The following RAP1GAP2 variants were observed in gnomAD, a reference collection of about 807,000 sequenced individuals.
RAP1GAP2 encodes RAP1 GTPase activating protein 2, also known as rap1 GTPase-activating protein 2.
Under a neutral mutation model 95.0 loss-of-function variants are expected in RAP1GAP2, and 27 were observed. The observed-to-expected ratio is 0.28, with a 90% CI of 0.21 to 0.39. The LOEUF (loss-of-function observed/expected upper bound fraction) is 0.39. RAP1GAP2 is among the 10% of genes least tolerant of loss of function. The pLI, the probability that RAP1GAP2 is intolerant of heterozygous loss-of-function variation, is 1.00. For synonymous variants in RAP1GAP2, 373 were observed against 380.9 expected, an observed-to-expected ratio of 0.98 and a Z score of 0.24; for missense variants, 771 against 970.0, an observed-to-expected ratio of 0.79 and a Z score of 2.72.
rs558026242 is a variant in RAP1GAP2 at position 2,916,752 on chromosome 17, T to C, written c.165+11384T>C. ...TGATGGACTGTGACGATGGCGATGG[T>C]GGCGATGACAACCATGATGAGTGAG... On this transcript the variant is annotated intron_variant, in intron 3 of 24. Transcript: ENST00000254695. 3.9e-5 allele frequency among the ~76,000 whole-genome samples: 6 copies of C among 152,282 alleles called. No homozygotes were observed. In the South Asian group the frequency reaches 1.2e-3, roughly 32 times the overall value.
intron 4 of RAP1GAP2, chr17:2,962,319 C>A: frequency 3.3e-6 from 1 of 302,044 alleles, no homozygotes; most frequent in Non-Finnish European, 6.2e-6. Flanking sequence ...AACCTTTAAC[C>A]TTCACCACCA....
intron 2 of RAP1GAP2, among the ~76,000 whole-genome samples, chr17:2,873,766 A>G (rs1025362635): frequency 1.3e-5 from 2 of 151,864 alleles, no homozygotes; most frequent in African/African-American, 4.8e-5. Flanking sequence ...TTATTTATTT[A>G]TTTATTTATT....
chr17:2,926,452 C>T (rs1381122875), intron 3 of RAP1GAP2, among the ~76,000 whole-genome samples: 4 of 152,210 alleles, frequency 2.6e-5, no homozygotes, highest in Admixed American at 2.0e-4. Flanking sequence ...TCACTGCACA[C>T]TGTGAATATG....
chr17:2,885,342 C>T (rs558976379), intron 2 of RAP1GAP2, among the ~76,000 whole-genome samples: 2 of 152,270 alleles, frequency 1.3e-5, no homozygotes, highest in African/African-American at 2.4e-5. Context: ...GATAGACACA[C>T]GTCTTGGCAG....
At chr17:2,801,444 C>T (rs1156910918) in intron 2 of RAP1GAP2, among the ~76,000 whole-genome samples, 1 of 148,440 alleles carries the variant, frequency 6.7e-6, no homozygotes, top group Non-Finnish European at 1.5e-5. Context: ...CATTGCACTC[C>T]AGCCTGGGGG....
chr17:3,006,981 C>T (rs1597857548), intron 16 of RAP1GAP2, among the ~76,000 whole-genome samples: 1 of 152,226 alleles, frequency 6.6e-6, no homozygotes, highest in Non-Finnish European at 1.5e-5. Flanking sequence ...GGGAAGGCTT[C>T]CTGGAGGAGG....
chr17:2,901,203 A>T (rs1466683559), intron 2 of RAP1GAP2, among the ~76,000 whole-genome samples: 3 of 152,212 alleles, frequency 2.0e-5, no homozygotes, highest in African/African-American at 7.2e-5. Context: ...GGAGGAAAAG[A>T]ATCCCAGAGC....
intron 2 of RAP1GAP2, among the ~76,000 whole-genome samples, chr17:2,877,104 G>A (rs1021365066): frequency 7.2e-5 from 11 of 151,808 alleles, no homozygotes; most frequent in African/African-American, 2.4e-4. Context: ...GCTCAGGCTG[G>A]TCTCGAACTC....
At position 3,001,578 on chromosome 17, in the gene RAP1GAP2, C is replaced by G. The variant is rs35340739; in HGVS notation, c.1200+3202C>G. Among the ~76,000 whole-genome samples, 213 of 87,936 alleles carry G rather than the reference C, an allele frequency of 2.4e-3. 13 individuals are homozygous for G. The highest frequency in any genetic ancestry group is 7.5e-3 in the African/African-American group (170 of 22,554). The allele number at this position is 87,936 out of a possible 152,430, so 57.7% of individuals were successfully genotyped here. A position where few individuals can be genotyped will look rare whatever the true frequency, so the allele number is the denominator to read the frequency against. On this transcript the variant is annotated intron_variant, in intron 14 of 24. Coordinates refer to ENST00000254695, the MANE Select transcript of RAP1GAP2 (RefSeq NM_015085.5). ...CCAAGCACCAGGCTGAAGTGAGGCT[C>G]GTGGAGGTAACAAGATCAGCCTCAG... is the stretch of plus-strand genomic sequence containing the variant.
intron 2 of RAP1GAP2, among the ~76,000 whole-genome samples, chr17:2,805,749 C>T (rs986730126): frequency 3.5e-4 from 36 of 101,824 alleles, no homozygotes; most frequent in African/African-American, 1.1e-3. Flanking sequence ...GAAAGAGATG[C>T]GTGTATGTGT....
At position 2,998,376 on chromosome 17, in the gene RAP1GAP2, G is replaced by A; in HGVS notation, c.1200G>A (p.Lys400=). 2 of 1,613,828 alleles carry A rather than the reference G, an allele frequency of 1.2e-6. No homozygotes were observed. Among genetic ancestry groups the A allele is most frequent in the Non-Finnish European group, 8.5e-7 (1 of 1,179,782 alleles). ...CAGGCACAGAGACCCCATCCTACAA[G>A]GTAAGGAGAACGCCTTGTTGGAGGG... The part of the protein sequence containing the change: ...ETPGTETPSY[K]VSVTAREDVP... Residue 400 remains lysine, a splice_region_variant and synonymous_variant, in exon 14 of 25, where the codon AAG becomes AAA. Coordinates refer to ENST00000254695, the MANE Select transcript of RAP1GAP2 (RefSeq NM_015085.5).
chr17:2,795,761 C>T (rs957541940), upstream of RAP1GAP2, among the ~76,000 whole-genome samples: 2 of 152,130 alleles, frequency 1.3e-5, no homozygotes, highest in East Asian at 1.9e-4. Flanking sequence ...ATGTGAGAAG[C>T]GTGTGCAGGT....
upstream of RAP1GAP2, among the ~76,000 whole-genome samples, chr17:2,774,816 CTTTTTTT>C (rs370177422): frequency 7.7e-6 from 1 of 130,378 alleles, no homozygotes; most frequent in Non-Finnish European, 1.6e-5. Flanking sequence ...CCCTGCTATC[CTTTTTTT>C]TTTTTTTTTT....
intron 3 of RAP1GAP2, among the ~76,000 whole-genome samples, chr17:2,940,178 C>T (rs1374021973): frequency 2.6e-5 from 4 of 152,194 alleles, no homozygotes; most frequent in South Asian, 2.1e-4. Flanking sequence ...CTGGGAGCCC[C>T]GAGTGGCTGT....
intron 3 of RAP1GAP2, among the ~76,000 whole-genome samples, chr17:2,945,122 G>A (rs1371316128): frequency 1.3e-5 from 2 of 152,130 alleles, no homozygotes; most frequent in Non-Finnish European, 2.9e-5. Flanking sequence ...TGATCCACCC[G>A]CCTCGGCCTC....
In RAP1GAP2 at chr17:2,857,821, C is replaced by T. The variant is rs930307638; in HGVS notation, c.81-47463C>T. Among the ~76,000 whole-genome samples the T allele has an allele frequency of 3.9e-4, 59 of 152,294 alleles. No homozygotes were observed. The highest frequency in any genetic ancestry group is 1.2e-3 in the African/African-American group (51 of 41,558). On this transcript the variant is annotated intron_variant, in intron 2 of 24. Coordinates refer to ENST00000254695, the MANE Select transcript of RAP1GAP2 (RefSeq NM_015085.5). The surrounding 1 kb of genome is among the most constrained non-coding windows in gnomAD (Gnocchi z 4.0). ...CGATCAAAATATGTACGTTCTTGGC[C>T]GGGCGCGGCAGCTCACGCCTGTAAT...
chr17:2,854,741 G>A (rs761876962), intron 2 of RAP1GAP2, among the ~76,000 whole-genome samples: 4 of 152,222 alleles, frequency 2.6e-5, no homozygotes, highest in African/African-American at 4.8e-5. Context: ...AGTAGGCAAA[G>A]GAGGTTCTGA....
At chr17:2,815,266 C>G (rs556659704) in intron 2 of RAP1GAP2, among the ~76,000 whole-genome samples, 1 of 152,204 alleles carries the variant, frequency 6.6e-6, no homozygotes, top group South Asian at 2.1e-4. Context: ...CAGTCAGGTT[C>G]ACGTACTCTG....
chr17:2,831,708 G>C (rs144574372), intron 2 of RAP1GAP2, among the ~76,000 whole-genome samples: 87 of 151,720 alleles, frequency 5.7e-4, no homozygotes, highest in Non-Finnish European at 5.4e-4. Flanking sequence ...CTGGTGGGGG[G>C]GCAGCATGAC....
Sources: allele counts gnomAD v4.1 joint callset (sites outside exome capture counted in the v4.1 genomes callset), GRCh38; gene constraint gnomAD v4.1.1; non-coding constraint Gnocchi (gnomAD v3.1); transcripts MANE v1.5; gene names NCBI Gene and HGNC (gene_info 2026-07-23, HGNC 2026-07-21).